The following SPTBN1 variants were observed in gnomAD, a reference collection of about 807,000 sequenced individuals.
The protein encoded by SPTBN1 is spectrin beta chain, non-erythrocytic 1.
SPTBN1 carries 32 observed loss-of-function variants against 266.4 expected under a neutral mutation model. That is an observed-to-expected ratio of 0.12 (90% CI 0.09 to 0.16). The LOEUF is 0.16. Ranked by LOEUF, SPTBN1 falls within the 10% of genes least tolerant of loss-of-function variation. SPTBN1 has a pLI of 1.00. For missense variants in SPTBN1, 2,296 were observed against 3,067.1 expected (o/e 0.75, Z 5.94); for synonymous variants, 1,336 against 1,162.2 (o/e 1.15, Z -3.04).
At chr2:54,573,539 G>A (rs1020044502) in intron 2 of SPTBN1, among the ~76,000 whole-genome samples, 2 of 152,120 alleles carry the variant, frequency 1.3e-5, no homozygotes, top group Non-Finnish European at 2.9e-5. Flanking sequence ...CTGTGACCTG[G>A]GGGTTGGGGA....
intron 11 of SPTBN1, 90 bp downstream of exon 11, chr2:54,625,052 G>GC (rs1447617062): frequency 7.0e-7 from 1 of 1,432,616 alleles, no homozygotes; most frequent in African/African-American, 1.5e-5. Context: ...GAGGACAGCT[G>GC]CTTATCGACA....
rs1285107057 is a variant in SPTBN1 at position 54,566,216 on chromosome 2, T to C, written c.149-32876T>C. Among the ~76,000 whole-genome samples, 3 of 139,032 alleles carry C rather than the reference T, an allele frequency of 2.2e-5. No individual in the cohort carries two copies. In the East Asian group the frequency reaches 6.2e-4, roughly 29 times the overall value. 91.2% of individuals were successfully genotyped at this position (139,032 alleles called of 152,430 possible). A position where few individuals can be genotyped will look rare whatever the true frequency, so the allele number is the denominator to read the frequency against. On this transcript the variant is annotated intron_variant, in intron 2 of 35. Coordinates refer to ENST00000356805, the MANE Select transcript of SPTBN1 (RefSeq NM_003128.3). ...TTTTTTTTTTTTTGTTGAGATGGAG[T>C]GTCACTGTGTCGCCCAGGCTGGAGT...
At chr2:54,542,960 T>C (rs985486698) in intron 2 of SPTBN1, among the ~76,000 whole-genome samples, 3 of 152,356 alleles carry the variant, frequency 2.0e-5, no homozygotes, top group African/African-American at 7.2e-5. Context: ...TTAGCTCATA[T>C]TTGTCTGTAT....
intron 2 of SPTBN1, among the ~76,000 whole-genome samples, chr2:54,556,038 T>C (rs1186202176): frequency 6.6e-6 from 1 of 152,274 alleles, no homozygotes; most frequent in African/African-American, 2.4e-5. Flanking sequence ...TGGTCACTTC[T>C]GAATCTTCTA....
At chr2:54,468,110 G>A (rs12713258) in intron 1 of SPTBN1, among the ~76,000 whole-genome samples, 34,500 of 151,792 alleles carry the variant, frequency 0.23, 4,333 homozygotes, top group African/African-American at 0.33. Context: ...AGTTTGAGAC[G>A]AGCCTGGCCA....
chr2:54,559,478 C>G (rs12468469), intron 2 of SPTBN1, among the ~76,000 whole-genome samples: 121,737 of 152,240 alleles, frequency 0.8, 49,385 homozygotes, highest in African/African-American at 0.94. Context: ...TCATTTCAAC[C>G]CTATGGGTTG....
intron 2 of SPTBN1, among the ~76,000 whole-genome samples, chr2:54,544,560 A>T (rs1240913187): frequency 6.6e-6 from 1 of 152,146 alleles, no homozygotes; most frequent in Non-Finnish European, 1.5e-5. Context: ...TTTGTTTCTG[A>T]CTGTCAAGCA....
rs760559092 is a variant in SPTBN1, at chr2:54,558,929, CG to C, written c.148+32368del. 1 of 1,594,498 alleles carries C rather than the reference CG, an allele frequency of 6.3e-7. No individual in the cohort carries two copies. The highest frequency in any genetic ancestry group is 1.1e-5 in the South Asian group (1 of 89,360). ...AGGCCGGGCCTGTCCTGGGTGCCAA[CG>C]GGGGTTCTTGGAGGCTTTATTTGTG... is the stretch of plus-strand genomic sequence containing the variant. On this transcript the variant is annotated intron_variant, in intron 2 of 35. Coordinates refer to ENST00000356805, the MANE Select transcript of SPTBN1 (RefSeq NM_003128.3). This position sits in a 1 kb window ranked among gnomAD's most constrained non-coding sequence, Gnocchi z 4.6.
chr2:54,530,352 A>AATTTTTTT (rs1558810829), intron 2 of SPTBN1, among the ~76,000 whole-genome samples: 3 of 60,700 alleles, frequency 4.9e-5, no homozygotes, highest in Non-Finnish European at 7.0e-5. Context: ...ATTGTAAAAA[A>AATTTTTTT]CTTTTTTTTT....
intron 2 of SPTBN1, among the ~76,000 whole-genome samples, chr2:54,547,104 AT>A (rs1272299637): frequency 6.6e-6 from 1 of 152,160 alleles, no homozygotes; most frequent in African/African-American, 2.4e-5. Flanking sequence ...CTCTACACCC[AT>A]TAAACAATAA....
chr2:54,492,535 C>T (rs1012688793), intron 1 of SPTBN1, among the ~76,000 whole-genome samples: 10 of 152,120 alleles, frequency 6.6e-5, no homozygotes, highest in African/African-American at 2.4e-4. Context: ...GGTGGACCTA[C>T]TGCCCTTTGC....
intron 2 of SPTBN1, among the ~76,000 whole-genome samples, chr2:54,570,145 G>T (rs769491935): frequency 1.2e-4 from 18 of 152,188 alleles, no homozygotes; most frequent in Non-Finnish European, 2.4e-4. Context: ...CTTTGTCAGA[G>T]AGCGCTCCTG....
chr2:54,592,208 A>T (rs527899501), intron 2 of SPTBN1, among the ~76,000 whole-genome samples: 2 of 152,314 alleles, frequency 1.3e-5, no homozygotes, highest in African/African-American at 4.8e-5. Flanking sequence ...TTAAAAAATT[A>T]CATAGACGCA....
At chr2:54,469,267 T>C (rs56138820) in intron 1 of SPTBN1, among the ~76,000 whole-genome samples, 5,473 of 152,200 alleles carry the variant, frequency 0.036, 276 homozygotes, top group East Asian at 0.13. Flanking sequence ...AAATATTTCA[T>C]TGGAAGATAA....
At chr2:54,640,495 C>T (rs1456062147) in intron 18 of SPTBN1, among the ~76,000 whole-genome samples, 1 of 152,124 alleles carries the variant, frequency 6.6e-6, no homozygotes, top group African/African-American at 2.4e-5. Context: ...CAGGGACCCT[C>T]CTATTCCCAG....
chr2:54,544,521 A>G (rs942322368), intron 2 of SPTBN1, among the ~76,000 whole-genome samples: 4 of 152,198 alleles, frequency 2.6e-5, no homozygotes, highest in African/African-American at 9.6e-5. Flanking sequence ...GTTGAGAATC[A>G]GATACTTTTA....
At chr2:54,640,123 T>C (rs1434768064) in intron 18 of SPTBN1, among the ~76,000 whole-genome samples, 3 of 152,200 alleles carry the variant, frequency 2.0e-5, no homozygotes, top group South Asian at 2.1e-4. Flanking sequence ...TCATTGGCTA[T>C]AAACTTTTCC....
chr2:54,571,785 G>C (rs560364533), intron 2 of SPTBN1, among the ~76,000 whole-genome samples: 5 of 152,304 alleles, frequency 3.3e-5, no homozygotes, highest in African/African-American at 1.2e-4. Flanking sequence ...AGTAGGTAAA[G>C]TAATATAAGC....
chr2:54,661,930 T>G (rs373303043), intron 32 of SPTBN1: 2 of 985,288 alleles, frequency 2.0e-6, no homozygotes, highest in East Asian at 1.1e-4. Flanking sequence ...TAACAAAATT[T>G]TAATTACAAT....
Sources: gnomAD v4.1 joint callset for allele counts (sites outside exome capture counted in the v4.1 genomes callset) on GRCh38, gnomAD v4.1.1 for gene constraint, Gnocchi (gnomAD v3.1) non-coding constraint, MANE v1.5 for transcripts, NCBI Gene and HGNC (gene_info 2026-07-23, HGNC 2026-07-21) for gene names.